The following MGAT4C variants were observed in gnomAD, a reference collection of about 807,000 sequenced individuals.
The protein encoded by MGAT4C is MGAT4 family member C, also known as alpha-1,3-mannosyl-glycoprotein 4-beta-N-acetylglucosaminyltransferase C.
A neutral mutation model predicts 40.1 loss-of-function variants in MGAT4C; 19 were observed. The observed-to-expected ratio is 0.47, with a 90% CI of 0.33 to 0.70. MGAT4C has a LOEUF of 0.70. Among genes scored for constraint, MGAT4C ranks in the 30% least tolerant of loss-of-function variants. The pLI, the probability that MGAT4C is intolerant of heterozygous loss-of-function variation, is 0.02. For synonymous variants in MGAT4C, 181 were observed against 187.1 expected, an observed-to-expected ratio of 0.97 and a Z score of 0.27; for missense variants, 491 against 563.2, an observed-to-expected ratio of 0.87 and a Z score of 1.30.
intron 1 of MGAT4C, among the ~76,000 whole-genome samples, chr12:86,148,391 A>G (rs1883837905): frequency 6.6e-6 from 1 of 152,208 alleles, no homozygotes; most frequent in African/African-American, 2.4e-5. Context: ...CAAATTGTAT[A>G]TGCAAAACTG....
chr12:86,349,762 A>G (rs1210715488), intron 3 of MGAT4C, among the ~76,000 whole-genome samples: 1 of 152,126 alleles, frequency 6.6e-6, no homozygotes, highest in Non-Finnish European at 1.5e-5. Context: ...TCCAACTTTC[A>G]GTACATCTTT....
Position 86,628,494 on chromosome 12 carries a change from G to T in MGAT4C, c.-229+98715C>A, listed in dbSNP as rs143075828. Among the ~76,000 whole-genome samples the T allele has an allele frequency of 1.3e-4, 20 of 152,308 alleles. No individual in the cohort carries two copies. The East Asian group carries it at 3.9e-3, about 29-fold the overall frequency. Reference sequence around the variant, plus strand: ...GGAAAAAATGTTAAGGGTAGTCAGAGAGAAAGGTCGGGTTACACACAAAGG... The same window carrying T: ...GGAAAAAATGTTAAGGGTAGTCAGATAGAAAGGTCGGGTTACACACAAAGG... On this transcript the variant is annotated intron_variant, in intron 2 of 7. Coordinates refer to the MGAT4C transcript ENST00000548651.
chr12:86,310,960 G>A (rs4405388), intron 4 of MGAT4C, among the ~76,000 whole-genome samples: 99,033 of 152,106 alleles, frequency 0.65, 33,024 homozygotes, highest in South Asian at 0.77. Context: ...CAAATTAAGC[G>A]GAAGGGAATA....
chr12:86,235,980 T>C (rs1020853211), intron 1 of MGAT4C, among the ~76,000 whole-genome samples: 4 of 152,056 alleles, frequency 2.6e-5, no homozygotes, highest in Admixed American at 2.0e-4. Context: ...TTTTAAGATA[T>C]ACTCTTGGAT....
chr12:86,185,036 A>G (rs1262143383), intron 1 of MGAT4C, among the ~76,000 whole-genome samples: 1 of 152,130 alleles, frequency 6.6e-6, no homozygotes, highest in Non-Finnish European at 1.5e-5. Flanking sequence ...TTTTCTGCCC[A>G]TAAAGCCAGC....
chr12:86,604,697 C>T lies in MGAT4C; in HGVS notation c.-229+122512G>A, dbSNP rs79674986. Among the ~76,000 whole-genome samples the T allele has an allele frequency of 1.6e-3, 244 of 152,118 alleles. 3 individuals carry two copies. In the East Asian group the frequency reaches 0.032, roughly 20 times the overall value. On this transcript the variant is annotated intron_variant, in intron 2 of 7. Transcript: ENST00000548651. Reference sequence around the variant, plus strand: ...AATACTGACAGTTGTTTTATAATTCCATCTCAATATTCAAATACTTTAGAA... The same window carrying T: ...AATACTGACAGTTGTTTTATAATTCTATCTCAATATTCAAATACTTTAGAA...
chr12:86,767,360 T>C lies in MGAT4C; in HGVS notation c.-261-40119A>G, dbSNP rs573764675. 6.7e-3 allele frequency among the ~76,000 whole-genome samples: 1,014 copies of C among 152,224 alleles called. 7 individuals are homozygous for C. The highest frequency in any genetic ancestry group is 0.023 in the African/African-American group (967 of 41,534). Reference sequence around the variant, plus strand: ...TAGACCAAAACAGGCTCTGAAATTGTGGCAATAATCAATAGCTTACCAACC... The same window carrying C: ...TAGACCAAAACAGGCTCTGAAATTGCGGCAATAATCAATAGCTTACCAACC... On this transcript the variant is annotated intron_variant, in intron 1 of 7. Coordinates refer to the MGAT4C transcript ENST00000548651.
At chr12:86,669,401 G>A (rs1964196334) in intron 2 of MGAT4C, among the ~76,000 whole-genome samples, 1 of 152,108 alleles carries the variant, frequency 6.6e-6, no homozygotes, top group Admixed American at 6.6e-5. Context: ...AGCCTGAGTT[G>A]CCACCCCTCT....
chr12:86,492,030 T>A (rs1323515849), intron 2 of MGAT4C, among the ~76,000 whole-genome samples: 1 of 151,958 alleles, frequency 6.6e-6, no homozygotes, highest in Non-Finnish European at 1.5e-5. Flanking sequence ...AAATCACGAG[T>A]GAACTCCCAT....
intron 1 of MGAT4C, among the ~76,000 whole-genome samples, chr12:86,788,235 C>T (rs963635087): frequency 6.7e-6 from 1 of 150,264 alleles, no homozygotes; most frequent in Non-Finnish European, 1.5e-5. Context: ...TTAGGAATTA[C>T]AGTGGGTATC....
intron 3 of MGAT4C, among the ~76,000 whole-genome samples, chr12:86,345,279 TTTA>T (rs1245837467): frequency 2.0e-5 from 3 of 151,800 alleles, no homozygotes; most frequent in African/African-American, 7.3e-5. Context: ...TTATTTTATT[TTTA>T]TTATTATTAT....
intron 2 of MGAT4C, among the ~76,000 whole-genome samples, chr12:86,029,526 G>C (rs982099964): frequency 3.9e-5 from 6 of 151,944 alleles, no homozygotes; most frequent in Admixed American, 1.3e-4. Flanking sequence ...TCTTTCCTTA[G>C]TCACAATTTC....
At chr12:86,214,294 C>A (rs1566158403) in intron 1 of MGAT4C, among the ~76,000 whole-genome samples, 1 of 150,706 alleles carries the variant, frequency 6.6e-6, no homozygotes, top group Non-Finnish European at 1.5e-5. Context: ...GAGATACTTT[C>A]CCCTAGTGAC....
intron 3 of MGAT4C, among the ~76,000 whole-genome samples, chr12:86,353,270 G>A (rs1168681480): frequency 1.3e-5 from 2 of 152,002 alleles, no homozygotes; most frequent in Non-Finnish European, 2.9e-5. Flanking sequence ...CTAAGATAGA[G>A]TAATTATGTC....
intron 2 of MGAT4C, among the ~76,000 whole-genome samples, chr12:86,631,441 T>C (rs1342785163): frequency 1.3e-5 from 2 of 151,970 alleles, no homozygotes; most frequent in Non-Finnish European, 2.9e-5. Flanking sequence ...GAGCCCGCAT[T>C]GCCAAGTCAA....
chr12:86,051,405 G>A (rs1892876920), intron 1 of MGAT4C, among the ~76,000 whole-genome samples: 1 of 151,808 alleles, frequency 6.6e-6, no homozygotes, highest in Admixed American at 6.6e-5. Flanking sequence ...CACACTGTAG[G>A]CACAGGACTT....
At chr12:86,481,060 G>A (rs918152737) in intron 2 of MGAT4C, among the ~76,000 whole-genome samples, 1 of 151,898 alleles carries the variant, frequency 6.6e-6, no homozygotes, top group Non-Finnish European at 1.5e-5. Flanking sequence ...AATCCCAGCA[G>A]TGATCATAAC....
intron 1 of MGAT4C, among the ~76,000 whole-genome samples, chr12:86,187,130 A>T (rs1472413477): frequency 6.6e-6 from 1 of 152,048 alleles, no homozygotes; most frequent in Admixed American, 6.6e-5. Context: ...AAAACACAGG[A>T]TGTGATTCCT....
chr12:86,828,773 G>A (rs1952858621), intron 1 of MGAT4C, among the ~76,000 whole-genome samples: 1 of 151,424 alleles, frequency 6.6e-6, no homozygotes, highest in East Asian at 1.9e-4. Flanking sequence ...ACTACATATT[G>A]CATGATTCTA....
Sources: allele counts gnomAD v4.1 joint callset (sites outside exome capture counted in the v4.1 genomes callset), GRCh38; gene constraint gnomAD v4.1.1; transcripts MANE v1.5; gene names NCBI Gene and HGNC (gene_info 2026-07-23, HGNC 2026-07-21).